NEDD9: variants seen among roughly 807,000 people sequenced by gnomAD.
NEDD9 encodes the protein enhancer of filamentation 1.
Under a neutral mutation model 76.6 loss-of-function variants are expected in NEDD9, and 26 were observed. The observed-to-expected ratio is 0.34, with a 90% CI of 0.25 to 0.47. The LOEUF is 0.47. NEDD9 is among the 20% of genes least tolerant of loss of function. The pLI, the probability that NEDD9 is intolerant of heterozygous loss-of-function variation, is 1.00. For missense variants in NEDD9, 937 were observed against 1,058.5 expected, an observed-to-expected ratio of 0.89 and a Z score of 1.59; for synonymous variants, 392 against 414.2, an observed-to-expected ratio of 0.95 and a Z score of 0.65.
intron 1 of NEDD9, among the ~76,000 whole-genome samples, chr6:11,378,560 G>A (rs1763005968): frequency 2.6e-5 from 4 of 152,164 alleles, no homozygotes; most frequent in African/African-American, 7.2e-5. Context: ...GGGTAGTGGG[G>A]TAACAGGTGG....
At chr6:11,322,283 C>T (rs980422825) in intron 2 of NEDD9, among the ~76,000 whole-genome samples, 2 of 151,930 alleles carry the variant, frequency 1.3e-5, no homozygotes, top group African/African-American at 4.8e-5. Context: ...CCATGGCACA[C>T]GTATACCTGT....
intron 1 of NEDD9, among the ~76,000 whole-genome samples, chr6:11,231,643 T>C (rs1234110753): frequency 6.6e-6 from 1 of 152,202 alleles, no homozygotes; most frequent in African/African-American, 2.4e-5. Context: ...GTCCAATTCA[T>C]TGCAGTCTGC....
chr6:11,329,916 G>A (rs1033099953), intron 2 of NEDD9, among the ~76,000 whole-genome samples: 1 of 152,148 alleles, frequency 6.6e-6, no homozygotes. Context: ...ACTGGGGAGG[G>A]CCTTGCCTTT....
At chr6:11,217,402 A>G (rs1758984307) in intron 1 of NEDD9, among the ~76,000 whole-genome samples, 1 of 152,102 alleles carries the variant, frequency 6.6e-6, no homozygotes, top group African/African-American at 2.4e-5. Context: ...TCTCCTGCCC[A>G]CTCACCCCCT....
chr6:11,237,540 G>T (rs1759629178), upstream of NEDD9, among the ~76,000 whole-genome samples: 1 of 152,100 alleles, frequency 6.6e-6, no homozygotes, highest in Admixed American at 6.5e-5. This position sits in a 1 kb window ranked among gnomAD's most constrained non-coding sequence, Gnocchi z 4.9. Flanking sequence ...TATGAGCCAA[G>T]AATAGCTTTT....
chr6:11,189,600 A>G (rs951784930), intron 5 of NEDD9, among the ~76,000 whole-genome samples: 1 of 152,152 alleles, frequency 6.6e-6, no homozygotes, highest in African/African-American at 2.4e-5. Flanking sequence ...TGGAGCTGGT[A>G]TTATTATTAG....
intron 3 of NEDD9, among the ~76,000 whole-genome samples, chr6:11,255,401 G>A (rs1759984223): frequency 6.6e-6 from 1 of 152,232 alleles, no homozygotes; most frequent in Non-Finnish European, 1.5e-5. Flanking sequence ...AGAAATTCGC[G>A]TTGCCATGAT....
intron 3 of NEDD9, among the ~76,000 whole-genome samples, chr6:11,271,005 T>C (rs1760295303): frequency 6.6e-6 from 1 of 152,164 alleles, no homozygotes; most frequent in Non-Finnish European, 1.5e-5. Context: ...AGTATCACTC[T>C]TTTTTGGCCC....
At chr6:11,323,950 A>C (rs2113479417) in intron 2 of NEDD9, among the ~76,000 whole-genome samples, 1 of 152,276 alleles carries the variant, frequency 6.6e-6, no homozygotes, top group South Asian at 2.1e-4. Context: ...GGCAGCGGGG[A>C]GGTTGCCTCA....
Position 11,190,971 on chromosome 6 carries a change from T to G in NEDD9, c.898A>C (p.Asn300His), listed in dbSNP as rs1164484189. The G allele has an allele frequency of 3.1e-6, 5 of 1,613,882 alleles. No individual in the cohort carries two copies. The African/African-American group carries it at 6.7e-5, about 22-fold the overall frequency. The change falls in exon 5 of 7, where the codon AAT becomes CAT. Residue 300 changes from asparagine to histidine, a missense_variant. Coordinates refer to ENST00000379446, the MANE Select transcript of NEDD9 (RefSeq NM_006403.4). This position sits in a 1 kb window ranked among gnomAD's most constrained non-coding sequence, Gnocchi z 5.8. ...VARRHQSLSP[N>H]HPPPQLGQSV... ...TGTCCGAGTTGCGGGGGTGGGTGAT[T>G]CGGGGACAGGCTCTGGTGCCTTCGA...
chr6:11,185,966 A>G (rs1757970963), intron 6 of NEDD9, among the ~76,000 whole-genome samples: 1 of 152,202 alleles, frequency 6.6e-6, no homozygotes, highest in Non-Finnish European at 1.5e-5. Flanking sequence ...ACCTTTATGG[A>G]GGTTAAATGA....
chr6:11,239,356 T>C (rs189798078), intron 3 of NEDD9, among the ~76,000 whole-genome samples: 1 of 152,178 alleles, frequency 6.6e-6, no homozygotes, highest in Non-Finnish European at 1.5e-5. Context: ...TTTGCACTTA[T>C]GTAGGTGACT....
rs376409915 is a variant in NEDD9, at chr6:11,371,934, G to A, written c.-214+10205C>T. Among the ~76,000 whole-genome samples the A allele has an allele frequency of 1.1e-4, 16 of 152,134 alleles. No individual in the cohort carries two copies. In the East Asian group the frequency reaches 2.1e-3, roughly 20 times the overall value. On this transcript the variant is annotated intron_variant, in intron 1 of 3. Transcript: ENST00000397378. ...ATGCAATGTGTAATAATCACATCAG[G>A]GTACATGGGGTCTCCATCACCTCAA...
At chr6:11,209,174 C>T (rs1758698750) in intron 2 of NEDD9, among the ~76,000 whole-genome samples, 1 of 152,116 alleles carries the variant, frequency 6.6e-6, no homozygotes, top group Non-Finnish European at 1.5e-5. Context: ...AGACATTGAC[C>T]TAAATGTTTA....
intron 1 of NEDD9, among the ~76,000 whole-genome samples, chr6:11,357,012 C>T (rs779531985): frequency 2.6e-5 from 4 of 152,098 alleles, no homozygotes; most frequent in Admixed American, 1.3e-4. Context: ...CCTTCTGTTC[C>T]GGAGCCTCTA....
intron 2 of NEDD9, among the ~76,000 whole-genome samples, chr6:11,307,292 T>G (rs1761212559): frequency 6.6e-6 from 1 of 152,210 alleles, no homozygotes; most frequent in Non-Finnish European, 1.5e-5. Context: ...AACAGCCTCC[T>G]GTAATTTCAG....
intron 1 of NEDD9, among the ~76,000 whole-genome samples, chr6:11,378,422 T>G (rs1407120602): frequency 6.6e-6 from 1 of 152,118 alleles, no homozygotes; most frequent in African/African-American, 2.4e-5. Flanking sequence ...CATGAGCCAA[T>G]TAAACCTTTT....
intron 1 of NEDD9, among the ~76,000 whole-genome samples, chr6:11,228,139 G>A (rs1057149219): frequency 5.3e-5 from 8 of 152,044 alleles, no homozygotes; most frequent in African/African-American, 1.2e-4. Context: ...TAAGATCTAC[G>A]GAAGTCAGTA....
At chr6:11,200,537 T>C (rs1015506871) in intron 2 of NEDD9, 1 of 1,095,018 alleles carries the variant, frequency 9.1e-7, no homozygotes, top group Admixed American at 4.7e-5. Context: ...AAGAATGTTA[T>C]GTATGTCTTA....
Sources: gnomAD v4.1 joint callset for allele counts (sites outside exome capture counted in the v4.1 genomes callset) on GRCh38, gnomAD v4.1.1 for gene constraint, Gnocchi (gnomAD v3.1) non-coding constraint, MANE v1.5 for transcripts, NCBI Gene and HGNC (gene_info 2026-07-23, HGNC 2026-07-21) for gene names.